ALDH1L1: variants seen among roughly 807,000 people sequenced by gnomAD.
ALDH1L1 encodes cytosolic 10-formyltetrahydrofolate dehydrogenase.
Under a neutral mutation model 101.1 loss-of-function variants are expected in ALDH1L1, and 68 were observed. The observed-to-expected ratio is 0.67, with a 90% CI of 0.55 to 0.82. The LOEUF is 0.82. ALDH1L1 is among the 40% of genes least tolerant of loss of function. The probability of loss-of-function intolerance (pLI) is 0.00; values close to 1 mark genes in which losing one functional copy is unlikely to be tolerated. For synonymous variants in ALDH1L1, 486 were observed against 470.8 expected (o/e 1.03, Z -0.42); for missense variants, 1,087 against 1,172.7 (o/e 0.93, Z 1.07).
chr3:126,135,558 C>A lies in ALDH1L1; in HGVS notation c.1449G>T (p.Arg483=). 1 of 1,607,834 alleles carries A rather than the reference C, an allele frequency of 6.2e-7. No individual in the cohort carries two copies. Among genetic ancestry groups the A allele is most frequent in the Non-Finnish European group, 8.5e-7 (1 of 1,177,704 alleles). ...ACCTGTACATCAGCCGGCCCCGGTC[C>A]CGCGCACTGATCTTCCCCCACCGTC... ...ENGRWGKISA[R]DRGRLMYRLA... The change falls in exon 12 of 23, where the codon CGG becomes CGT. Residue 483 remains arginine, a synonymous_variant. Coordinates refer to ENST00000393434, the MANE Select transcript of ALDH1L1 (RefSeq NM_012190.4).
Position 126,135,415 on chromosome 3 carries a change from T to C in ALDH1L1, c.1472+120A>G, listed in dbSNP as rs528184785. 8.8e-5 allele frequency: 124 copies of C among 1,412,632 alleles called. No individual in the cohort carries two copies. The African/African-American group carries it at 1.7e-3, about 19-fold the overall frequency. The allele number at this position is 1,412,632 out of a possible 1,614,324, so 87.5% of individuals were successfully genotyped here. Reference sequence around the variant, plus strand: ...GGCCCATCTGATGGCCTCGGTCCCATAGCCTCCCCAGGACCCAGCTCCTCC... The same window carrying C: ...GGCCCATCTGATGGCCTCGGTCCCACAGCCTCCCCAGGACCCAGCTCCTCC... On this transcript the variant is annotated intron_variant, in intron 12 of 22. Transcript: ENST00000393434.
Position 126,135,471 on chromosome 3 carries a change from C to T in ALDH1L1, c.1472+64G>A, listed in dbSNP as rs772475065. ...GGTAAAAGGGCCTCCACAGAAGTCC[C>T]CCCCGTGCCACTGCCCAGAAGCTGA... On this transcript the variant is annotated intron_variant, in intron 12 of 22. Coordinates refer to ENST00000393434, the MANE Select transcript of ALDH1L1 (RefSeq NM_012190.4). 1.2e-5 allele frequency: 18 copies of T among 1,564,002 alleles called. No homozygotes were observed. In the Admixed American group the frequency reaches 2.7e-4, roughly 24 times the overall value.
At chr3:126,192,614 C>T (rs1310823724) in intron 1 of ALDH1L1, among the ~76,000 whole-genome samples, 1 of 152,104 alleles carries the variant, frequency 6.6e-6, no homozygotes, top group Non-Finnish European at 1.5e-5. Flanking sequence ...TAAGTCTTGC[C>T]CTAGTGAGTT....
chr3:126,117,816 G>A (rs532595386), intron 17 of ALDH1L1, among the ~76,000 whole-genome samples, 189 bp downstream of exon 17: 6 of 152,272 alleles, frequency 3.9e-5, no homozygotes, highest in South Asian at 4.1e-4. Flanking sequence ...ACAGGTCTCC[G>A]CCCAGGCCTC....
At chr3:126,186,711 G>A (rs1318067551) in intron 1 of ALDH1L1, among the ~76,000 whole-genome samples, 1 of 152,194 alleles carries the variant, frequency 6.6e-6, no homozygotes, top group Non-Finnish European at 1.5e-5. Flanking sequence ...GAGAGGCCTG[G>A]GGCTGCAGCC....
rs777185754 is a variant in ALDH1L1, at chr3:126,153,340, C to T, written c.858+104G>A. On this transcript the variant is annotated intron_variant, in intron 7 of 22. Coordinates refer to ENST00000393434, the MANE Select transcript of ALDH1L1 (RefSeq NM_012190.4). Reference sequence around the variant, plus strand: ...TGTTCCTTCCTGGGTCTGGTTTTTTCCATTTTCTCCAGAGGAGCCTAGGGT... The same window carrying T: ...TGTTCCTTCCTGGGTCTGGTTTTTTTCATTTTCTCCAGAGGAGCCTAGGGT... 5 of 1,574,382 alleles carry T rather than the reference C, an allele frequency of 3.2e-6. No individual in the cohort carries two copies. In the African/African-American group the frequency reaches 5.4e-5, roughly 17 times the overall value.
chr3:126,140,888 A>C (rs2080554735), intron 9 of ALDH1L1, among the ~76,000 whole-genome samples: 1 of 152,030 alleles, frequency 6.6e-6, no homozygotes, highest in Non-Finnish European at 1.5e-5. Context: ...AAAAAATAAG[A>C]CATTCAGAAA....
At chr3:126,188,256 A>G (rs777205977) in intron 1 of ALDH1L1, among the ~76,000 whole-genome samples, 1 of 152,228 alleles carries the variant, frequency 6.6e-6, no homozygotes, top group Non-Finnish European at 1.5e-5. Context: ...CAGTTTCTGC[A>G]TCTACAACCA....
At chr3:126,179,189 C>T (rs2081423941) in intron 1 of ALDH1L1, among the ~76,000 whole-genome samples, 2 of 152,390 alleles carry the variant, frequency 1.3e-5, no homozygotes, top group African/African-American at 2.4e-5. Context: ...CATGGCCGCT[C>T]AGTGTCCTTT....
intron 12 of ALDH1L1, among the ~76,000 whole-genome samples, chr3:126,134,788 G>A (rs540932222): frequency 2.6e-5 from 4 of 152,232 alleles, no homozygotes; most frequent in Admixed American, 6.5e-5. Flanking sequence ...ACCCCTAGAC[G>A]TTCCCAGGAC....
At chr3:126,129,991 CTT>C (rs971146167) in intron 14 of ALDH1L1, 15 of 381,714 alleles carry the variant, frequency 3.9e-5, no homozygotes, top group East Asian at 2.1e-4. Flanking sequence ...TGGGTTTACT[CTT>C]GTTTCCCACC....
intron 20 of ALDH1L1, among the ~76,000 whole-genome samples, chr3:126,108,891 G>A (rs941904086): frequency 1.3e-5 from 2 of 152,294 alleles, no homozygotes; most frequent in African/African-American, 4.8e-5. Context: ...AGGAGGATGG[G>A]TCACTGCTGC....
At chr3:126,174,361 G>A (rs995923611) in intron 1 of ALDH1L1, among the ~76,000 whole-genome samples, 13 of 152,176 alleles carry the variant, frequency 8.5e-5, no homozygotes, top group African/African-American at 2.4e-4. Context: ...CCAGCAGGCT[G>A]GAAATCAGTA....
chr3:126,189,076 G>C (rs1243456242), intron 1 of ALDH1L1, among the ~76,000 whole-genome samples: 1 of 152,194 alleles, frequency 6.6e-6, no homozygotes, highest in Non-Finnish European at 1.5e-5. Context: ...ATCAAAGCAG[G>C]AGTTTTGTGG....
rs1175769857 is a variant in ALDH1L1, at chr3:126,131,517, T to C, written c.1490A>G (p.Glu497Gly). 6 of 1,608,876 alleles carry C rather than the reference T, an allele frequency of 3.7e-6. No homozygotes were observed. The highest frequency in any genetic ancestry group is 5.1e-6 in the Non-Finnish European group (6 of 1,175,796). Residue 497 changes from glutamate to glycine, a missense_variant, in exon 13 of 23, where the codon GAG (glutamate) becomes GGG (glycine). By Grantham distance (98) the Glu-to-Gly change is moderately conservative. This residue lies in a region of ALDH1L1 where 442 missense variants were observed against 535.7 expected (regional missense o/e 0.83). Coordinates refer to ENST00000393434, the MANE Select transcript of ALDH1L1 (RefSeq NM_012190.4). ...RLMYRLADLM[E>G]QHQEELATIE... is the part of the protein sequence containing the mutation. ...GGTGGCCAGCTCCTCCTGGTGCTGC[T>C]CCATGAGATCTGCCAACCTGACCAG...
At chr3:126,176,406 C>T (rs928422886) in intron 1 of ALDH1L1, among the ~76,000 whole-genome samples, 3 of 152,088 alleles carry the variant, frequency 2.0e-5, no homozygotes, top group African/African-American at 4.8e-5. Flanking sequence ...GTTAGAGGAC[C>T]GATACTGCCT....
intron 7 of ALDH1L1, chr3:126,152,986 G>GTA: frequency 3.7e-6 from 1 of 273,558 alleles, no homozygotes; most frequent in Non-Finnish European, 7.1e-6. Flanking sequence ...AAGAGCAGGT[G>GTA]GCCGGCATGG....
At chr3:126,160,490 G>A (rs938202612) in intron 2 of ALDH1L1, 20 of 209,596 alleles carry the variant, frequency 9.5e-5, no homozygotes, top group Non-Finnish European at 1.7e-4. Context: ...GTGATGCCGC[G>A]CATGCCCACC....
chr3:126,160,175 G>C (rs994356145), intron 2 of ALDH1L1: 1 of 153,042 alleles, frequency 6.5e-6, no homozygotes, highest in Non-Finnish European at 1.5e-5. Flanking sequence ...ACTTGTCCCA[G>C]GTTAACAATT....
Sources: allele counts gnomAD v4.1 joint callset (sites outside exome capture counted in the v4.1 genomes callset), GRCh38; gene constraint gnomAD v4.1.1; regional missense constraint gnomAD v4.1.1; transcripts MANE v1.5; gene names NCBI Gene and HGNC (gene_info 2026-07-23, HGNC 2026-07-21).